The following DSCAM variants were observed in gnomAD, a reference collection of about 807,000 sequenced individuals.
DSCAM encodes the protein cell adhesion molecule DSCAM.
DSCAM carries 47 observed loss-of-function variants against 217.7 expected under a neutral mutation model. The ratio of observed to expected loss-of-function variants is 0.22; its 90% CI spans 0.17 to 0.28. The LOEUF is 0.28. Among genes scored for constraint, DSCAM ranks in the 10% least tolerant of loss-of-function variants. The pLI, the probability that DSCAM is intolerant of heterozygous loss-of-function variation, is 1.00. For missense variants in DSCAM, 2,080 were observed against 2,618.3 expected (o/e 0.79, Z 4.49); for synonymous variants, 1,056 against 1,015.3 (o/e 1.04, Z -0.76).
In DSCAM at chr21:40,157,162, C is replaced by T. The variant is rs2090487265; in HGVS notation, c.3018+10056G>A. ...TATGTGAACTTCAAATTTCACCTTT[C>T]CTAGGTGAAGTTTTACTGGATCCCA... is the stretch of plus-strand genomic sequence containing the variant. On this transcript the variant is annotated intron_variant, in intron 16 of 32. Transcript: ENST00000400454. Among the ~76,000 whole-genome samples the T allele has an allele frequency of 2.6e-5, 4 of 152,174 alleles. No individual in the cohort carries two copies. In the South Asian group the frequency reaches 8.3e-4, roughly 32 times the overall value.
At chr21:40,033,225 G>T (rs982396182) in intron 32 of DSCAM, among the ~76,000 whole-genome samples, 1 of 152,182 alleles carries the variant, frequency 6.6e-6, no homozygotes, top group East Asian at 1.9e-4. Flanking sequence ...CCTGAGCGAC[G>T]CAGAAGACGG....
intron 16 of DSCAM, among the ~76,000 whole-genome samples, chr21:40,163,258 A>G (rs2090560320): frequency 6.6e-6 from 1 of 152,180 alleles, no homozygotes; most frequent in Non-Finnish European, 1.5e-5. Context: ...TTTTCTGAAA[A>G]ACCAAAGAAT....
chr21:40,102,081 G>C lies in DSCAM; in HGVS notation c.3697-8207C>G, dbSNP rs896685074. 2.8e-5 allele frequency among the ~76,000 whole-genome samples: 4 copies of C among 144,290 alleles called. No individual in the cohort carries two copies. The South Asian group carries it at 8.6e-4, about 31-fold the overall frequency. The allele number at this position is 144,290 out of a possible 152,430, so 94.7% of individuals were successfully genotyped here. ...CCCCGGGGAGCAAGAAGTGACCACA[G>C]CTTGGCAAACAGATTAATTTAAAAT... is the stretch of plus-strand genomic sequence containing the variant. On this transcript the variant is annotated intron_variant, in intron 20 of 32. Transcript: ENST00000400454.
intron 3 of DSCAM, among the ~76,000 whole-genome samples, chr21:40,435,746 C>G (rs8134508): frequency 0.028 from 4,205 of 152,262 alleles, 166 homozygotes; most frequent in African/African-American, 0.091. Context: ...GATCTCTATG[C>G]CTATCCCTTT....
chr21:40,299,810 A>AT (rs1441494271), intron 9 of DSCAM, among the ~76,000 whole-genome samples: 2 of 152,102 alleles, frequency 1.3e-5, no homozygotes, highest in South Asian at 2.1e-4. Flanking sequence ...GCAGCAGTTT[A>AT]TTTTTTAAAA....
intron 2 of DSCAM, among the ~76,000 whole-genome samples, chr21:40,700,778 A>G (rs924441534): frequency 4.8e-5 from 7 of 144,746 alleles, no homozygotes; most frequent in Non-Finnish European, 9.0e-5. Flanking sequence ...ACTCTGTCAC[A>G]CAGGCTGGAA....
At position 40,791,444 on chromosome 21, in the gene DSCAM, G is replaced by C. The variant is rs1308609779; in HGVS notation, c.43+55175C>G. ...CTGAGGCGGGCGGATCACGAGGTCAGGAGATCGAGACCATCCTGGCTAACA... is the reference window on the plus strand; with the variant it reads ...CTGAGGCGGGCGGATCACGAGGTCACGAGATCGAGACCATCCTGGCTAACA... On this transcript the variant is annotated intron_variant, in intron 1 of 32. Coordinates refer to ENST00000400454, the MANE Select transcript of DSCAM (RefSeq NM_001389.5). 2.0e-5 allele frequency among the ~76,000 whole-genome samples: 3 copies of C among 152,192 alleles called. No homozygotes were observed. The East Asian group carries it at 5.8e-4, about 30-fold the overall frequency.
At chr21:40,577,153 T>C (rs547436285) in intron 3 of DSCAM, among the ~76,000 whole-genome samples, 76 of 151,694 alleles carry the variant, frequency 5.0e-4, no homozygotes, top group African/African-American at 1.7e-3. Flanking sequence ...TAAATGAATA[T>C]TCATTTATTT....
intron 3 of DSCAM, among the ~76,000 whole-genome samples, chr21:40,612,801 T>C (rs1453775578): frequency 6.6e-6 from 1 of 152,178 alleles, no homozygotes; most frequent in Non-Finnish European, 1.5e-5. Flanking sequence ...GGCAGGAATA[T>C]GGAAGGCAGT....
intron 4 of DSCAM, among the ~76,000 whole-genome samples, chr21:40,355,550 T>A (rs944883658): frequency 6.6e-6 from 1 of 152,226 alleles, no homozygotes; most frequent in Non-Finnish European, 1.5e-5. Flanking sequence ...CAGCACCTGA[T>A]TGGATGCTAA....
chr21:40,830,527 G>T (rs887109418), intron 1 of DSCAM, among the ~76,000 whole-genome samples: 1 of 152,154 alleles, frequency 6.6e-6, no homozygotes, highest in Non-Finnish European at 1.5e-5. Context: ...ACCTATCTGG[G>T]GCTCATTCAT....
intron 6 of DSCAM, among the ~76,000 whole-genome samples, chr21:40,345,430 A>G (rs2074547124): frequency 1.3e-5 from 2 of 152,088 alleles, no homozygotes; most frequent in South Asian, 4.1e-4. Context: ...TGCTTTTCCC[A>G]AAGTTTCTTG....
chr21:40,401,772 C>T (rs1313959987), intron 3 of DSCAM, among the ~76,000 whole-genome samples: 1 of 152,054 alleles, frequency 6.6e-6, no homozygotes, highest in Non-Finnish European at 1.5e-5. Flanking sequence ...GAGAACAGCA[C>T]AAAGCCCAGC....
At chr21:40,527,870 T>C (rs1289848018) in intron 3 of DSCAM, among the ~76,000 whole-genome samples, 2 of 152,114 alleles carry the variant, frequency 1.3e-5, no homozygotes, top group Admixed American at 1.3e-4. Context: ...TATGCGGCTC[T>C]CCTTTTATCT....
chr21:40,322,771 C>T (rs553104823), intron 8 of DSCAM, among the ~76,000 whole-genome samples: 34 of 152,254 alleles, frequency 2.2e-4, no homozygotes, highest in African/African-American at 7.5e-4. Context: ...TTGATTTACC[C>T]GCCTCGGCCT....
At chr21:40,133,434 G>A (rs539725004) in intron 19 of DSCAM, among the ~76,000 whole-genome samples, 1 of 152,262 alleles carries the variant, frequency 6.6e-6, no homozygotes, top group African/African-American at 2.4e-5. Context: ...AAGAATAATA[G>A]AACTTCAGTC....
intron 21 of DSCAM, among the ~76,000 whole-genome samples, chr21:40,089,149 C>T (rs567518392): frequency 6.6e-6 from 1 of 152,286 alleles, no homozygotes; most frequent in Non-Finnish European, 1.5e-5. Context: ...GCCCAACAAC[C>T]CCCATGCTAT....
intron 3 of DSCAM, among the ~76,000 whole-genome samples, chr21:40,517,297 T>C (rs1461423719): frequency 2.7e-5 from 4 of 150,360 alleles, no homozygotes; most frequent in Non-Finnish European, 5.9e-5. Context: ...TATATTTATA[T>C]ATAAATGCAA....
intron 3 of DSCAM, among the ~76,000 whole-genome samples, chr21:40,544,018 T>A (rs1010146): frequency 0.04 from 6,145 of 152,238 alleles, 262 homozygotes; most frequent in East Asian, 0.2. Context: ...AAGTGCCAAG[T>A]TGAACTCTTA....
Sources: allele counts gnomAD v4.1 joint callset (sites outside exome capture counted in the v4.1 genomes callset), GRCh38; gene constraint gnomAD v4.1.1; transcripts MANE v1.5; gene names NCBI Gene and HGNC (gene_info 2026-07-23, HGNC 2026-07-21).